The following SGTA variants were observed in gnomAD, a reference collection of about 807,000 sequenced individuals.
The protein encoded by SGTA is small glutamine rich tetratricopeptide repeat co-chaperone alpha, also known as small glutamine-rich tetratricopeptide repeat-containing protein alpha.
Under a neutral mutation model 44.3 loss-of-function variants are expected in SGTA, and 22 were observed. That is an observed-to-expected ratio of 0.50 (90% confidence interval 0.36 to 0.71). The LOEUF is 0.71. Ranked by LOEUF, SGTA falls within the 30% of genes least tolerant of loss-of-function variation. The probability of loss-of-function intolerance (pLI) is 0.00; values close to 1 mark genes in which losing one functional copy is unlikely to be tolerated. For missense variants in SGTA, 341 were observed against 435.9 expected, an observed-to-expected ratio of 0.78 and a Z score of 1.94; for synonymous variants, 174 against 177.6, an observed-to-expected ratio of 0.98 and a Z score of 0.16.
chr19:2,763,839 C>G lies in SGTA; in HGVS notation c.393-82G>C. The G allele has an allele frequency of 9.4e-7, 1 of 1,060,182 alleles. No homozygotes were observed. The highest frequency in any genetic ancestry group is 1.4e-5 in the South Asian group (1 of 70,966). 65.7% of individuals were successfully genotyped at this position (1,060,182 alleles called of 1,614,324 possible). On this transcript the variant is annotated intron_variant, in intron 5 of 11. Transcript: ENST00000221566. This position sits in a 1 kb window ranked among gnomAD's most constrained non-coding sequence, Gnocchi z 5.8. ...GCCCTTGAGGGGAGCCTGAGAGCTG[C>G]GTTCCTCTCCAACTTCCTGGAGGAA...
At position 2,777,234 on chromosome 19, in the gene SGTA, A is replaced by G. The variant is rs568068483; in HGVS notation, c.-24+5999T>C. On this transcript the variant is annotated intron_variant, in intron 1 of 11. Coordinates refer to ENST00000221566, the MANE Select transcript of SGTA (RefSeq NM_003021.4). ...CTACTGTACTCCAGCCTGGGCAATA[A>G]GAGCAAAACTCCATCTCAGAAAAAA... Among the ~76,000 whole-genome samples, 51 of 149,338 alleles carry G rather than the reference A, an allele frequency of 3.4e-4. 1 individual carries two copies. The highest frequency in any genetic ancestry group is 1.2e-3 in the African/African-American group (47 of 40,208).
rs561091921 is a variant in SGTA at position 2,781,417 on chromosome 19, A to G, written c.-24+1816T>C. On this transcript the variant is annotated intron_variant, in intron 1 of 11. Transcript: ENST00000221566. ...TGCAGGCGTTAAGTTCCCTATGGCA[A>G]CTGTTCAACTGTGCCTTCTTAGCTC... Among the ~76,000 whole-genome samples, 9 of 152,312 alleles carry G rather than the reference A, an allele frequency of 5.9e-5. No homozygotes were observed. The East Asian group carries it at 1.7e-3, about 29-fold the overall frequency.
In SGTA at chr19:2,765,034, C is replaced by A; in HGVS notation, c.392+152G>T. On this transcript the variant is annotated intron_variant, in intron 5 of 11. Transcript: ENST00000221566. The surrounding 1 kb of genome is among the most constrained non-coding windows in gnomAD (Gnocchi z 5.5). ...GACTCTCCCCGACCCCGTTGCTGGT[C>A]ACCTGATGCTCGCTCCTGGTCTGAG... The A allele has an allele frequency of 1.6e-6, 1 of 614,338 alleles. No homozygotes were observed. The highest frequency in any genetic ancestry group is 1.9e-5 in the South Asian group (1 of 52,602). The allele number at this position is 614,338 out of a possible 1,614,324, so 38.1% of individuals were successfully genotyped here. A position where few individuals can be genotyped will look rare whatever the true frequency, so the allele number is the denominator to read the frequency against.
chr19:2,764,485 C>A (rs1915084112), intron 5 of SGTA, among the ~76,000 whole-genome samples: 1 of 152,246 alleles, frequency 6.6e-6, no homozygotes, highest in Non-Finnish European at 1.5e-5. Context: ...GCAACCTCTG[C>A]CTCCCGGGTT....
chr19:2,757,592 G>C, intron 10 of SGTA, 101 bp downstream of exon 10: 1 of 1,447,760 alleles, frequency 6.9e-7, no homozygotes, highest in Non-Finnish European at 9.2e-7. Flanking sequence ...TGGGCCCTTC[G>C]GAGCAGGGGA....
At chr19:2,757,987 T>C (rs964263925) in intron 9 of SGTA, among the ~76,000 whole-genome samples, 9 of 152,128 alleles carry the variant, frequency 5.9e-5, no homozygotes, top group African/African-American at 2.2e-4. Flanking sequence ...CCCTCTTTCT[T>C]TGGCCTAAAG....
intron 8 of SGTA, chr19:2,759,602 T>C: frequency 2.6e-6 from 1 of 388,818 alleles, no homozygotes; most frequent in Non-Finnish European, 4.7e-6. Flanking sequence ...GGTTCTTTAT[T>C]TTAGCTGCTG....
At position 2,761,853 on chromosome 19, in the gene SGTA, G is replaced by A. The variant is rs1915002375; in HGVS notation, c.637-331C>T. ...TTCCCCGCACAGCGCGACCGCCCGG[G>A]GACGGCACAGTCTATCATCCCGTGT... On this transcript the variant is annotated intron_variant, in intron 7 of 11. Coordinates refer to ENST00000221566, the MANE Select transcript of SGTA (RefSeq NM_003021.4). This position sits in a 1 kb window ranked among gnomAD's most constrained non-coding sequence, Gnocchi z 5.7. Among the ~76,000 whole-genome samples, 1 of 149,702 alleles carries A rather than the reference G, an allele frequency of 6.7e-6. No individual in the cohort carries two copies. The highest frequency in any genetic ancestry group is 6.6e-5 in the Admixed American group (1 of 15,086).
intron 11 of SGTA, among the ~76,000 whole-genome samples, chr19:2,756,918 G>C (rs1914835007): frequency 6.6e-6 from 1 of 152,222 alleles, no homozygotes; most frequent in Admixed American, 6.5e-5. Flanking sequence ...CAGGTACCCG[G>C]CTTGTCCTTT....
In SGTA at chr19:2,768,928, C is replaced by T. The variant is rs369433579; in HGVS notation, c.100+41G>A. 54 of 1,476,926 alleles carry T rather than the reference C, an allele frequency of 3.7e-5. No individual in the cohort carries two copies. In the African/African-American group the frequency reaches 5.3e-4, roughly 14 times the overall value. The allele number at this position is 1,476,926 out of a possible 1,614,324, so 91.5% of individuals were successfully genotyped here. A position where few individuals can be genotyped will look rare whatever the true frequency, so the allele number is the denominator to read the frequency against. On this transcript the variant is annotated intron_variant, in intron 2 of 11. Transcript: ENST00000221566. ...GTCTACACGAGGCGACTGTGCTGGC[C>T]GCTGCCCGGGGAGAGGGGGAAGTGG...
At chr19:2,775,599 G>T (rs1433557781) in intron 1 of SGTA, among the ~76,000 whole-genome samples, 2 of 152,208 alleles carry the variant, frequency 1.3e-5, no homozygotes, top group Admixed American at 1.3e-4. Context: ...CACAGGGTGT[G>T]ACACCGACTC....
chr19:2,759,124 A>G lies in SGTA; in HGVS notation c.737+133T>C, dbSNP rs1240013584. 5.3e-6 allele frequency: 4 copies of G among 754,714 alleles called. No homozygotes were observed. In the Admixed American group the frequency reaches 6.0e-5, roughly 11 times the overall value. 46.8% of individuals were successfully genotyped at this position (754,714 alleles called of 1,614,324 possible). On this transcript the variant is annotated intron_variant, in intron 9 of 11. Coordinates refer to ENST00000221566, the MANE Select transcript of SGTA (RefSeq NM_003021.4). ...ACAGTGTGATAGTGGTGACAGTTGCATGACAGTGTGAAAGTCCTTAATGCC... is the reference window on the plus strand; with the variant it reads ...ACAGTGTGATAGTGGTGACAGTTGCGTGACAGTGTGAAAGTCCTTAATGCC...
At position 2,763,252 on chromosome 19, in the gene SGTA, G is replaced by A. The variant is rs963313330; in HGVS notation, c.497+401C>T. ...TTATGCTGGGAGGGCGGCACCGGCT[G>A]CACGGGGCGCAGGCTCCTGCCCCGG... On this transcript the variant is annotated intron_variant, in intron 6 of 11. Coordinates refer to ENST00000221566, the MANE Select transcript of SGTA (RefSeq NM_003021.4). This position sits in a 1 kb window ranked among gnomAD's most constrained non-coding sequence, Gnocchi z 5.8. Among the ~76,000 whole-genome samples, 1 of 152,226 alleles carries A rather than the reference G, an allele frequency of 6.6e-6. No individual in the cohort carries two copies.
In SGTA at chr19:2,763,715, C is replaced by T. The variant is rs753981801; in HGVS notation, c.435G>A (p.Val145=). 24 of 1,613,760 alleles carry T rather than the reference C, an allele frequency of 1.5e-5. No individual in the cohort carries two copies. Among genetic ancestry groups the T allele is most frequent in the Non-Finnish European group, 1.9e-5 (22 of 1,180,004 alleles). Residue 145 remains valine, a synonymous_variant, in exon 6 of 12, where the codon GTG becomes GTA. Coordinates refer to ENST00000221566, the MANE Select transcript of SGTA (RefSeq NM_003021.4). This position sits in a 1 kb window ranked among gnomAD's most constrained non-coding sequence, Gnocchi z 5.8. The part of the protein sequence containing the change: ...YSKLGNYAGA[V]QDCERAICID... ...TGCAGATGGCCCGCTCACAGTCCTG[C>T]ACCGCGCCTGCGTAGTTGCCGAGTT...
At chr19:2,757,298 C>T (rs1351971582) in intron 11 of SGTA, 39 bp downstream of exon 11, 2 of 1,591,868 alleles carry the variant, frequency 1.3e-6, no homozygotes, top group African/African-American at 2.7e-5. Context: ...GGTGTCACTC[C>T]TGCTGGCCAC....
Position 2,765,574 on chromosome 19 carries a change from T to G in SGTA, c.293-289A>C, listed in dbSNP as rs1421486827. Among the ~76,000 whole-genome samples the G allele has an allele frequency of 1.3e-5, 2 of 152,172 alleles. No individual in the cohort carries two copies. The highest frequency in any genetic ancestry group is 2.9e-5 in the Non-Finnish European group (2 of 68,006). On this transcript the variant is annotated intron_variant, in intron 4 of 11. Transcript: ENST00000221566. This position sits in a 1 kb window ranked among gnomAD's most constrained non-coding sequence, Gnocchi z 5.5. The stretch of plus-strand genomic sequence containing the variant: ...GCGACGGTGGCTGTCACTGCCTGGA[T>G]GGCGACCCCGGGAGCAGAACAGTTA...
chr19:2,757,501 G>A (rs546841800), intron 10 of SGTA, 44 bp from the exon 11 acceptor site: 2 of 1,594,116 alleles, frequency 1.3e-6, no homozygotes, highest in East Asian at 2.3e-5. Flanking sequence ...CCAGGAGGCT[G>A]CCTGCTGCCT....
intron 1 of SGTA, among the ~76,000 whole-genome samples, chr19:2,780,909 AC>A (rs1431371634): frequency 2.0e-5 from 3 of 152,174 alleles, no homozygotes; most frequent in Non-Finnish European, 2.9e-5. Context: ...ACACAGTGAA[AC>A]CCCATCTCTA....
Position 2,754,980 on chromosome 19 carries a change from T to C in SGTA, c.*960A>G, listed in dbSNP as rs7008. 0.38 allele frequency: 57,333 copies of C among 152,056 alleles called. 13,123 individuals carry two copies. Among genetic ancestry groups the C allele is most frequent in the East Asian group, 0.66 (3,349 of 5,110 alleles). 9.4% of individuals were successfully genotyped at this position (152,056 alleles called of 1,614,324 possible). A position where few individuals can be genotyped will look rare whatever the true frequency, so the allele number is the denominator to read the frequency against. On this transcript the variant is annotated 3_prime_UTR_variant, in exon 12 of 12. Coordinates refer to ENST00000221566, the MANE Select transcript of SGTA (RefSeq NM_003021.4). This position sits in a 1 kb window ranked among gnomAD's most constrained non-coding sequence, Gnocchi z 4.4. ...GCCTCAGGAACCCAGACAGGCTGCC[T>C]GCTGTCCGGCTCTCCGGCTGCTTTC...
Sources: allele counts gnomAD v4.1 joint callset (sites outside exome capture counted in the v4.1 genomes callset), GRCh38; gene constraint gnomAD v4.1.1; non-coding constraint Gnocchi (gnomAD v3.1); transcripts MANE v1.5; gene names NCBI Gene and HGNC (gene_info 2026-07-23, HGNC 2026-07-21).